The following HCRTR2 variants were observed in gnomAD, a reference collection of about 807,000 sequenced individuals.
HCRTR2 encodes hypocretin receptor 2.
HCRTR2 carries 22 observed loss-of-function variants against 49.0 expected under a neutral mutation model. The ratio of observed to expected loss-of-function variants is 0.45; its 90% CI spans 0.32 to 0.64. The LOEUF is 0.64. Ranked by LOEUF, HCRTR2 falls within the 30% of genes least tolerant of loss-of-function variation. The probability of loss-of-function intolerance (pLI) is 0.04; values close to 1 mark genes in which losing one functional copy is unlikely to be tolerated. For missense variants in HCRTR2, 491 were observed against 559.4 expected, an observed-to-expected ratio of 0.88 and a Z score of 1.23; for synonymous variants, 236 against 205.3, an observed-to-expected ratio of 1.15 and a Z score of -1.28.
rs538354100 is a variant in HCRTR2 at position 55,248,628 on chromosome 6, T to G, written c.224-11T>G. On this transcript the variant is annotated splice_polypyrimidine_tract_variant and intron_variant, in intron 1 of 6. Coordinates refer to ENST00000370862, the MANE Select transcript of HCRTR2 (RefSeq NM_001384272.1). ...TTGTTGAGTGCCTATTCCTTTTTCT[T>G]TTCAAATTAGTTTGTGTGGCAGTGT... 1 of 1,610,680 alleles carries G rather than the reference T, an allele frequency of 6.2e-7. No homozygotes were observed. The highest frequency in any genetic ancestry group is 1.1e-5 in the South Asian group (1 of 91,030).
chr6:55,214,135 G>A (rs1345125072), intron 1 of HCRTR2, among the ~76,000 whole-genome samples: 1 of 152,056 alleles, frequency 6.6e-6, no homozygotes, highest in Non-Finnish European at 1.5e-5. Context: ...ACACCAAAGG[G>A]AGGAAGAGAT....
intron 3 of HCRTR2, among the ~76,000 whole-genome samples, chr6:55,260,845 A>G (rs1766740941): frequency 2.6e-5 from 4 of 152,142 alleles, no homozygotes; most frequent in African/African-American, 7.2e-5. Context: ...CATGCTTATT[A>G]TTGATTAATC....
Position 55,110,626 on chromosome 6 carries a change from G to C in HCRTR2, c.-378+4081G>C, listed in dbSNP as rs531011853. Among the ~76,000 whole-genome samples the C allele has an allele frequency of 1.4e-4, 14 of 101,806 alleles. No individual in the cohort carries two copies. In the East Asian group the frequency reaches 2.7e-3, roughly 19 times the overall value. 66.8% of individuals were successfully genotyped at this position (101,806 alleles called of 152,430 possible). A position where few individuals can be genotyped will look rare whatever the true frequency, so the allele number is the denominator to read the frequency against. On this transcript the variant is annotated intron_variant, in intron 1 of 7. Transcript: ENST00000615358. The stretch of plus-strand genomic sequence containing the variant: ...TTAAAGCAACAACAATTAAAAAAAA[G>C]ACAAAGAGGGACATTATATAAAGAT...
Position 55,166,909 on chromosome 6 carries a change from C to A in HCRTR2, c.-377-7302C>A, listed in dbSNP as rs143605238. The stretch of plus-strand genomic sequence containing the variant: ...GGATAGACACTAAAACATGGAAGAA[C>A]CTTGAAAATATTAAGCTAAGTGAAA... On this transcript the variant is annotated intron_variant, in intron 1 of 7. Coordinates refer to the HCRTR2 transcript ENST00000615358. Among the ~76,000 whole-genome samples, 659 of 151,998 alleles carry A rather than the reference C, an allele frequency of 4.3e-3. 8 individuals are homozygous for A. Among genetic ancestry groups the A allele is most frequent in the African/African-American group, 0.015 (617 of 41,478 alleles).
Position 55,241,423 on chromosome 6 carries a change from A to C in HCRTR2, c.224-7216A>C, listed in dbSNP as rs138144431. On this transcript the variant is annotated intron_variant, in intron 1 of 6. Transcript: ENST00000370862. Reference sequence around the variant, plus strand: ...TGCTTTCACTGACACTTTGTGGCAAAGTGTGGAACTACAGTATATTTTTCC... The same window carrying C: ...TGCTTTCACTGACACTTTGTGGCAACGTGTGGAACTACAGTATATTTTTCC... Among the ~76,000 whole-genome samples the C allele has an allele frequency of 3.4e-3, 520 of 152,248 alleles. 1 individual carries two copies. Among genetic ancestry groups the C allele is most frequent in the African/African-American group, 0.012 (505 of 41,556 alleles).
chr6:55,158,900 C>T (rs1411773726), intron 1 of HCRTR2, among the ~76,000 whole-genome samples: 2 of 152,164 alleles, frequency 1.3e-5, no homozygotes, highest in South Asian at 2.1e-4. Flanking sequence ...TAAATATTGC[C>T]GCAAGCTGAC....
chr6:55,117,438 C>A lies in HCRTR2; in HGVS notation c.-378+10893C>A, dbSNP rs532293595. 2.6e-5 allele frequency among the ~76,000 whole-genome samples: 4 copies of A among 151,622 alleles called. No homozygotes were observed. In the East Asian group the frequency reaches 5.8e-4, roughly 22 times the overall value. ...TTTTGTTTTTGTTTTTTTACTGATACACAATCGTTGTACATATTCATGGGG... is the reference window on the plus strand; with the variant it reads ...TTTTGTTTTTGTTTTTTTACTGATAAACAATCGTTGTACATATTCATGGGG... On this transcript the variant is annotated intron_variant, in intron 1 of 7. Coordinates refer to the HCRTR2 transcript ENST00000615358.
chr6:55,131,864 C>G (rs1764362448), intron 1 of HCRTR2, among the ~76,000 whole-genome samples: 1 of 151,748 alleles, frequency 6.6e-6, no homozygotes, highest in South Asian at 2.1e-4. Flanking sequence ...AAATAAGAAA[C>G]TCCTGTTTCC....
Position 55,129,074 on chromosome 6 carries a change from A to T in HCRTR2, c.-378+22529A>T, listed in dbSNP as rs146079105. On this transcript the variant is annotated intron_variant, in intron 1 of 7. Coordinates refer to the HCRTR2 transcript ENST00000615358. ...TTTTGGTCGTCTCTTTGTCAGCCTAAATCTTAAAACCCAAGTTCCCTAGAA... is the reference window on the plus strand; with the variant it reads ...TTTTGGTCGTCTCTTTGTCAGCCTATATCTTAAAACCCAAGTTCCCTAGAA... 3.4e-3 allele frequency among the ~76,000 whole-genome samples: 511 copies of T among 152,204 alleles called. 7 individuals carry two copies. Among genetic ancestry groups the T allele is most frequent in the African/African-American group, 0.012 (485 of 41,538 alleles).
At chr6:55,234,092 A>C (rs915256806) in intron 1 of HCRTR2, among the ~76,000 whole-genome samples, 4 of 152,184 alleles carry the variant, frequency 2.6e-5, no homozygotes, top group Admixed American at 2.6e-4. Context: ...CTCAGATACT[A>C]TTTCAGGAAT....
At chr6:55,136,619 G>C (rs1413927589) in intron 1 of HCRTR2, among the ~76,000 whole-genome samples, 1 of 152,062 alleles carries the variant, frequency 6.6e-6, no homozygotes, top group Non-Finnish European at 1.5e-5. Flanking sequence ...TTTTAGGAAG[G>C]AATAAAATAA....
intron 1 of HCRTR2, among the ~76,000 whole-genome samples, chr6:55,160,484 C>T (rs534571299): frequency 8.3e-4 from 126 of 152,212 alleles, no homozygotes; most frequent in South Asian, 4.4e-3. Flanking sequence ...TCACACATAA[C>T]GATATTAACC....
At chr6:55,225,654 G>A (rs1399135404) in intron 1 of HCRTR2, among the ~76,000 whole-genome samples, 1 of 152,214 alleles carries the variant, frequency 6.6e-6, no homozygotes, top group Non-Finnish European at 1.5e-5. Context: ...TGCTAATGCA[G>A]TGTACTATAA....
At chr6:55,127,107 A>G (rs1011993971) in intron 1 of HCRTR2, among the ~76,000 whole-genome samples, 19 of 152,084 alleles carry the variant, frequency 1.2e-4, no homozygotes, top group Non-Finnish European at 2.6e-4. Context: ...TCCAGGCGCC[A>G]CTGGGGTATG....
chr6:55,266,482 A>C (rs1432986206), intron 4 of HCRTR2, among the ~76,000 whole-genome samples: 1 of 152,164 alleles, frequency 6.6e-6, no homozygotes, highest in Non-Finnish European at 1.5e-5. Context: ...TAGAATCTGA[A>C]AAATTTCTTG....
chr6:55,151,931 A>C (rs1486915504), intron 1 of HCRTR2, among the ~76,000 whole-genome samples: 1 of 151,958 alleles, frequency 6.6e-6, no homozygotes, highest in Non-Finnish European at 1.5e-5. Flanking sequence ...GTGCATTTTC[A>C]ATGAGCAGTA....
At chr6:55,178,001 C>T (rs1211277773) in intron 1 of HCRTR2, among the ~76,000 whole-genome samples, 1 of 152,140 alleles carries the variant, frequency 6.6e-6, no homozygotes, top group African/African-American at 2.4e-5. Flanking sequence ...ATAATGCCAC[C>T]TATAACCTAT....
intron 1 of HCRTR2, among the ~76,000 whole-genome samples, chr6:55,140,026 G>A (rs1306925421): frequency 6.6e-6 from 1 of 152,182 alleles, no homozygotes; most frequent in African/African-American, 2.4e-5. Flanking sequence ...AGTAGACTAT[G>A]ACAAAGCTGC....
At chr6:55,263,962 A>C in intron 4 of HCRTR2, 140 bp downstream of exon 4, 1 of 682,462 alleles carries the variant, frequency 1.5e-6, no homozygotes, top group Non-Finnish European at 2.7e-6. Context: ...GAACCAATAT[A>C]ACATGTTCAT....
Sources: gnomAD v4.1 joint callset for allele counts (sites outside exome capture counted in the v4.1 genomes callset) on GRCh38, gnomAD v4.1.1 for gene constraint, MANE v1.5 for transcripts, NCBI Gene and HGNC (gene_info 2026-07-23, HGNC 2026-07-21) for gene names.